ABCC3: variants seen among roughly 807,000 people sequenced by gnomAD.
ABCC3 encodes the protein ATP-binding cassette sub-family C member 3.
A neutral mutation model predicts 165.3 loss-of-function variants in ABCC3; 121 were observed. The observed-to-expected ratio is 0.73, with a 90% CI of 0.63 to 0.85. The LOEUF (loss-of-function observed/expected upper bound fraction) is 0.85. ABCC3 is among the 40% of genes least tolerant of loss of function. ABCC3 has a pLI of 0.00. For synonymous variants in ABCC3, 733 were observed against 810.1 expected, an observed-to-expected ratio of 0.90 and a Z score of 1.62; for missense variants, 1,869 against 1,964.1, an observed-to-expected ratio of 0.95 and a Z score of 0.92.
In ABCC3 at chr17:50,659,218, G is replaced by T; in HGVS notation, c.675-19G>T. 3 of 1,612,410 alleles carry T rather than the reference G, an allele frequency of 1.9e-6. No individual in the cohort carries two copies. Among genetic ancestry groups the T allele is most frequent in the South Asian group, 2.2e-5 (2 of 90,994 alleles). On this transcript the variant is annotated intron_variant, in intron 6 of 30. Coordinates refer to ENST00000285238, the MANE Select transcript of ABCC3 (RefSeq NM_003786.4). ...CTGACCCTCTGCGGGGCTGCCTGCC[G>T]GGCTTCACCTCCCCCCAGGATGGCC...
rs1239330571 is a variant in ABCC3, at chr17:50,691,796, G to T, written c.*596G>T. 2 of 152,288 alleles carry T rather than the reference G, an allele frequency of 1.3e-5. No individual in the cohort carries two copies. The highest frequency in any genetic ancestry group is 2.9e-5 in the Non-Finnish European group (2 of 68,142). 9.4% of individuals were successfully genotyped at this position (152,288 alleles called of 1,614,324 possible). Reference sequence around the variant, plus strand: ...GGAAGACTTTCTACACATGTACATGGTTGTAGTTACCTGAACTTCAGACCC... The same window carrying T: ...GGAAGACTTTCTACACATGTACATGTTTGTAGTTACCTGAACTTCAGACCC... On this transcript the variant is annotated 3_prime_UTR_variant, in exon 31 of 31. Coordinates refer to ENST00000285238, the MANE Select transcript of ABCC3 (RefSeq NM_003786.4).
Position 50,656,721 on chromosome 17 carries a change from G to C in ABCC3, c.242G>C (p.Trp81Ser). 6.2e-7 allele frequency: 1 copy of C among 1,613,616 alleles called. No homozygotes were observed. Among genetic ancestry groups the C allele is most frequent in the Non-Finnish European group, 8.5e-7 (1 of 1,179,822 alleles). Reference sequence around the variant, plus strand: ...TCGCAGGTCCTGGGTGTCCTGCTGTGGTGCGTCTCCTGGGCGGACCTTTTT... The same window carrying C: ...TCGCAGGTCCTGGGTGTCCTGCTGTCGTGCGTCTCCTGGGCGGACCTTTTT... ...KLKMVLGVLLWCVSWADLFYS... is the reference protein window; with the variant it reads ...KLKMVLGVLLSCVSWADLFYS... Residue 81 changes from tryptophan (W) to serine (S), a missense_variant, in exon 3 of 31, where the codon TGG becomes TCG. Physicochemically the swap from Trp to Ser is radical, Grantham distance 177. Transcript: ENST00000285238.
Position 50,687,727 on chromosome 17 carries a change from C to G in ABCC3, c.4472C>G (p.Thr1491Ser). 6.2e-7 allele frequency: 1 copy of G among 1,611,500 alleles called. No homozygotes were observed. The highest frequency in any genetic ancestry group is 8.5e-7 in the Non-Finnish European group (1 of 1,177,764). ...CGGCTTAACACTATCATGGACTACACCAGGTGGGACACGGAAACCTGAGCA... is the reference window on the plus strand; with the variant it reads ...CGGCTTAACACTATCATGGACTACAGCAGGTGGGACACGGAAACCTGAGCA... ...AHRLNTIMDY[T>S]RVLVLDKGVV... Residue 1491 changes from threonine (T) to serine (S), a missense_variant, in exon 30 of 31, where the codon ACC becomes AGC. By Grantham distance (58) the Thr-to-Ser change is moderately conservative. Coordinates refer to ENST00000285238, the MANE Select transcript of ABCC3 (RefSeq NM_003786.4).
intron 29 of ABCC3, 169 bp from the exon 30 acceptor site, chr17:50,687,367 T>G: frequency 1.6e-6 from 1 of 631,536 alleles, no homozygotes; most frequent in Non-Finnish European, 2.7e-6. Context: ...ATTATCCCAA[T>G]GGTGTCCAGA....
intron 2 of ABCC3, 102 bp from the exon 3 acceptor site, chr17:50,656,600 A>G: frequency 6.8e-7 from 1 of 1,461,196 alleles, no homozygotes; most frequent in Non-Finnish European, 9.2e-7. Flanking sequence ...AGTCCCAGGC[A>G]GGTCTAGTGG....
rs11568593 is a variant in ABCC3 at position 50,683,658 on chromosome 17, C to T, written c.3856C>T (p.Arg1286Cys). The T allele has an allele frequency of 1.4e-5, 23 of 1,601,414 alleles. No homozygotes were observed. The highest frequency in any genetic ancestry group is 1.7e-5 in the Non-Finnish European group (20 of 1,173,872). The change falls in exon 27 of 31, where the codon CGT (arginine) becomes TGT (cysteine). Residue 1286 changes from arginine (R) to cysteine (C), a missense_variant. Arg to Cys is a radical substitution (Grantham distance 180). Coordinates refer to ENST00000285238, the MANE Select transcript of ABCC3 (RefSeq NM_003786.4). ...GSRPPEGWPP[R>C]GEVEFRNYSV... ...CCGCCCTCCCGAAGGTTGGCCCCCA[C>T]GTGGGGAGGTGGAGTTCCGGAATTA...
chr17:50,668,966 A>T, intron 15 of ABCC3, 47 bp downstream of exon 15: 1 of 1,604,838 alleles, frequency 6.2e-7, no homozygotes. Context: ...GGTGGGCTGG[A>T]AGTTCAGATC....
At chr17:50,666,443 C>T (rs1967529462) in intron 11 of ABCC3, among the ~76,000 whole-genome samples, 1 of 152,094 alleles carries the variant, frequency 6.6e-6, no homozygotes, top group East Asian at 1.9e-4. Context: ...TGCACTCCCA[C>T]CTGGGCAACA....
chr17:50,676,130 C>G (rs1289519468), intron 22 of ABCC3, 40 bp downstream of exon 22: 5 of 1,611,088 alleles, frequency 3.1e-6, no homozygotes, highest in Non-Finnish European at 4.2e-6. Context: ...TCCAATATCC[C>G]TTCTTCTCTG....
chr17:50,661,265 C>A, intron 8 of ABCC3, 151 bp downstream of exon 8: 1 of 781,438 alleles, frequency 1.3e-6, no homozygotes, highest in Non-Finnish European at 1.9e-6. Context: ...TGGCAAGTGG[C>A]ATTGCCTGAC....
At chr17:50,658,007 A>G in intron 4 of ABCC3, 75 bp from the exon 5 acceptor site, 2 of 1,604,022 alleles carry the variant, frequency 1.2e-6, no homozygotes, top group East Asian at 4.5e-5. Flanking sequence ...TGATGCCCCA[A>G]GGGACTCCGC....
rs191220022 is a variant in ABCC3, at chr17:50,679,793, G to C, written c.3706-5G>C. 120 of 1,613,830 alleles carry C rather than the reference G, an allele frequency of 7.4e-5. No homozygotes were observed. In the African/African-American group the frequency reaches 1.5e-3, roughly 20 times the overall value. On this transcript the variant is annotated splice_region_variant and splice_polypyrimidine_tract_variant and intron_variant, in intron 25 of 30. Coordinates refer to ENST00000285238, the MANE Select transcript of ABCC3 (RefSeq NM_003786.4). ...CCATACGTATAACCCAGTCCCTTTGGCCAGGTGACATTTGCTCTGAACTGG... is the reference window on the plus strand; with the variant it reads ...CCATACGTATAACCCAGTCCCTTTGCCCAGGTGACATTTGCTCTGAACTGG...
intron 26 of ABCC3, among the ~76,000 whole-genome samples, chr17:50,683,108 C>A (rs1320358854): frequency 6.6e-6 from 1 of 152,006 alleles, no homozygotes. Flanking sequence ...AATCAGGAGG[C>A]TGAGGCAGGA....
At chr17:50,665,891 T>C (rs931339528) in intron 11 of ABCC3, among the ~76,000 whole-genome samples, 4 of 151,314 alleles carry the variant, frequency 2.6e-5, no homozygotes, top group Non-Finnish European at 4.4e-5. Context: ...GGATTACAGG[T>C]GTGAGCCATC....
chr17:50,687,476 T>G, intron 29 of ABCC3, 60 bp from the exon 30 acceptor site: 6 of 1,544,998 alleles, frequency 3.9e-6, no homozygotes, highest in South Asian at 1.2e-5. Flanking sequence ...GGTCTGGGAA[T>G]GAGGCCCAGA....
chr17:50,665,382 A>G (rs1288047846), intron 11 of ABCC3, 137 bp downstream of exon 11: 6 of 694,990 alleles, frequency 8.6e-6, no homozygotes, highest in African/African-American at 1.8e-5. Flanking sequence ...TGCAGAAACC[A>G]TAGCTCACTC....
chr17:50,678,129 C>A lies in ABCC3; in HGVS notation c.3615C>A (p.Cys1205Ter). ...TCGGAGTGGAGTTCGTGGGGAACTG[C>A]GTGGTGCTCTTTGCTGCACTATTTG... ...LSIGVEFVGN[C>*]VVLFAALFAV... The change falls in exon 25 of 31, where the codon TGC becomes TGA. Residue 1205 changes from cysteine to a stop codon, truncating the protein, a stop_gained. Transcript: ENST00000285238. LOFTEE classifies it high-confidence loss of function. The A allele has an allele frequency of 1.3e-6, 2 of 1,582,898 alleles. No homozygotes were observed. Among genetic ancestry groups the A allele is most frequent in the African/African-American group, 1.3e-5 (1 of 74,228 alleles).
intron 26 of ABCC3, among the ~76,000 whole-genome samples, chr17:50,682,766 G>C (rs1339470253): frequency 6.6e-6 from 1 of 152,170 alleles, no homozygotes; most frequent in Non-Finnish European, 1.5e-5. Flanking sequence ...CCCTCTACTA[G>C]AACATAAATC....
intron 11 of ABCC3, among the ~76,000 whole-genome samples, chr17:50,666,364 T>A (rs1273802976): frequency 1.3e-5 from 2 of 152,072 alleles, no homozygotes. Flanking sequence ...CCAGCTACTC[T>A]GGAGTCTGAG....
Sources: allele counts gnomAD v4.1 joint callset (sites outside exome capture counted in the v4.1 genomes callset), GRCh38; gene constraint gnomAD v4.1.1; transcripts MANE v1.5; gene names NCBI Gene and HGNC (gene_info 2026-07-23, HGNC 2026-07-21).